AUTS2: variants seen among roughly 807,000 people sequenced by gnomAD.
AUTS2 encodes activator of transcription and developmental regulator AUTS2, also known as autism susceptibility gene 2 protein.
AUTS2 carries 17 observed loss-of-function variants against 112.4 expected under a neutral mutation model. The observed-to-expected ratio is 0.15, with a 90% CI of 0.10 to 0.23. The LOEUF is 0.23. Among genes scored for constraint, AUTS2 ranks in the 10% least tolerant of loss-of-function variants. The pLI, the probability that AUTS2 is intolerant of heterozygous loss-of-function variation, is 1.00. For missense variants in AUTS2, 1,510 were observed against 1,701.6 expected, an observed-to-expected ratio of 0.89 and a Z score of 1.98; for synonymous variants, 751 against 702.7, an observed-to-expected ratio of 1.07 and a Z score of -1.09.
chr7:69,987,848 G>A (rs1334082598), intron 2 of AUTS2, among the ~76,000 whole-genome samples: 1 of 152,152 alleles, frequency 6.6e-6, no homozygotes, highest in Non-Finnish European at 1.5e-5. Flanking sequence ...TCATTTTCAT[G>A]TTGTTCCAGA....
At chr7:70,519,882 C>T (rs1799573120) in intron 5 of AUTS2, among the ~76,000 whole-genome samples, 1 of 152,152 alleles carries the variant, frequency 6.6e-6, no homozygotes, top group South Asian at 2.1e-4. Context: ...ATCTGAATTG[C>T]CAATGAGGCT....
intron 4 of AUTS2, among the ~76,000 whole-genome samples, chr7:70,283,067 T>G (rs1007150659): frequency 1.3e-5 from 2 of 152,200 alleles, no homozygotes; most frequent in Non-Finnish European, 2.9e-5. Context: ...GAAGATGGAT[T>G]TGGAATCCTG....
intron 1 of AUTS2, among the ~76,000 whole-genome samples, chr7:69,887,413 C>CA (rs142082810): frequency 0.076 from 3,997 of 52,758 alleles, 134 homozygotes; most frequent in African/African-American, 0.14. Context: ...AAGACTTCAT[C>CA]AAAAAAAAAA....
intron 1 of AUTS2, among the ~76,000 whole-genome samples, chr7:69,753,844 T>A (rs1392442206): frequency 1.3e-5 from 2 of 152,196 alleles, no homozygotes; most frequent in Non-Finnish European, 2.9e-5. Flanking sequence ...GCTGGCAGTC[T>A]CCCTGAGGTT....
chr7:69,754,549 T>C (rs561921664), intron 1 of AUTS2, among the ~76,000 whole-genome samples: 1 of 152,000 alleles, frequency 6.6e-6, no homozygotes, highest in Non-Finnish European at 1.5e-5. Context: ...GAAGGGTGGA[T>C]GGTGAGTAGA....
chr7:69,851,978 G>C (rs1245565213), intron 1 of AUTS2, among the ~76,000 whole-genome samples: 6 of 151,940 alleles, frequency 3.9e-5, no homozygotes, highest in African/African-American at 9.7e-5. Flanking sequence ...TCCTTTTATT[G>C]CCTTATTATG....
intron 4 of AUTS2, among the ~76,000 whole-genome samples, chr7:70,341,642 G>A (rs1791267728): frequency 6.6e-6 from 1 of 152,210 alleles, no homozygotes; most frequent in Non-Finnish European, 1.5e-5. Flanking sequence ...TCTTTCTAGT[G>A]CAATTAGCAC....
chr7:70,363,530 A>T (rs1792385516), intron 4 of AUTS2, among the ~76,000 whole-genome samples: 1 of 151,658 alleles, frequency 6.6e-6, no homozygotes, highest in Admixed American at 6.6e-5. Flanking sequence ...TAAAATAAGT[A>T]TTAATTTCTT....
At chr7:69,867,501 T>C (rs2129534392) in intron 1 of AUTS2, among the ~76,000 whole-genome samples, 1 of 152,300 alleles carries the variant, frequency 6.6e-6, no homozygotes, top group South Asian at 2.1e-4. Flanking sequence ...CTTTTTAAAA[T>C]ATGGTCGTGA....
chr7:70,242,567 C>G (rs537577693), intron 4 of AUTS2, among the ~76,000 whole-genome samples: 3 of 152,304 alleles, frequency 2.0e-5, no homozygotes, highest in Non-Finnish European at 2.9e-5. Context: ...ATTACTTCCT[C>G]TCTTCCATCC....
At chr7:70,781,925 A>C in intron 15 of AUTS2, 169 bp downstream of exon 15, 1 of 748,216 alleles carries the variant, frequency 1.3e-6, no homozygotes, top group Non-Finnish European at 2.1e-6. Flanking sequence ...GGGAATCTTC[A>C]TTGATACACT....
intron 2 of AUTS2, among the ~76,000 whole-genome samples, chr7:70,092,294 C>T (rs766880626): frequency 6.6e-6 from 1 of 152,170 alleles, no homozygotes; most frequent in Non-Finnish European, 1.5e-5. Context: ...TTTTTCTGCA[C>T]TTGGTATCAG....
chr7:69,637,726 A>C (rs1007806085), intron 1 of AUTS2, among the ~76,000 whole-genome samples: 1 of 152,182 alleles, frequency 6.6e-6, no homozygotes, highest in African/African-American at 2.4e-5. Flanking sequence ...TATATGAAAA[A>C]AATATTTGGA....
chr7:70,394,990 A>G (rs1387663987), intron 4 of AUTS2, among the ~76,000 whole-genome samples: 1 of 152,242 alleles, frequency 6.6e-6, no homozygotes, highest in African/African-American at 2.4e-5. Flanking sequence ...GCATTGAACT[A>G]TATGCTTTCA....
At chr7:69,912,098 G>T (rs1280629823) in intron 2 of AUTS2, among the ~76,000 whole-genome samples, 1 of 152,228 alleles carries the variant, frequency 6.6e-6, no homozygotes, top group East Asian at 1.9e-4. Flanking sequence ...GTGCTGAGGT[G>T]GCAGGGGGCT....
In AUTS2 at chr7:70,643,944, C is replaced by T. The variant is rs543661906; in HGVS notation, c.691-54625C>T. Among the ~76,000 whole-genome samples the T allele has an allele frequency of 7.2e-5, 11 of 152,260 alleles. 1 individual carries two copies. In the South Asian group the frequency reaches 1.9e-3, roughly 26 times the overall value. On this transcript the variant is annotated intron_variant, in intron 5 of 18. Coordinates refer to ENST00000342771, the MANE Select transcript of AUTS2 (RefSeq NM_015570.4). ...TCCACCAAGACAGCCTCTGCTATGA[C>T]GTCCTGGCTCGCCCCACCTACCATA...
At chr7:70,275,074 G>A (rs1216462345) in intron 4 of AUTS2, among the ~76,000 whole-genome samples, 1 of 152,112 alleles carries the variant, frequency 6.6e-6, no homozygotes, top group Non-Finnish European at 1.5e-5. Context: ...TTTTTGAGTT[G>A]CATTTTATTC....
At chr7:70,490,693 A>G (rs1798196630) in intron 5 of AUTS2, among the ~76,000 whole-genome samples, 1 of 152,168 alleles carries the variant, frequency 6.6e-6, no homozygotes, top group Non-Finnish European at 1.5e-5. Flanking sequence ...AGCATTGGCC[A>G]GTAAGTCAAT....
intron 1 of AUTS2, among the ~76,000 whole-genome samples, chr7:69,782,181 A>G (rs145282179): frequency 5.3e-5 from 8 of 152,102 alleles, no homozygotes; most frequent in African/African-American, 1.4e-4. Context: ...CCTGGGCAGC[A>G]TAGTGAGACC....
Sources: gnomAD v4.1 joint callset for allele counts (sites outside exome capture counted in the v4.1 genomes callset) on GRCh38, gnomAD v4.1.1 for gene constraint, MANE v1.5 for transcripts, NCBI Gene and HGNC (gene_info 2026-07-23, HGNC 2026-07-21) for gene names.